The following FHL1 variants were observed in gnomAD, a reference collection of about 807,000 sequenced individuals.
FHL1 encodes the protein four and a half LIM domains protein 1.
In FHL1, 1 loss-of-function variant was observed where a neutral mutation model predicts 20.3. The observed-to-expected ratio is 0.05, with a 90% CI of 0.02 to 0.23. The LOEUF is 0.23. FHL1 is among the 10% of genes least tolerant of loss of function. FHL1 has a pLI of 1.00. For missense variants in FHL1, 177 were observed against 234.0 expected, an observed-to-expected ratio of 0.76 and a Z score of 1.59; for synonymous variants, 82 against 88.9, an observed-to-expected ratio of 0.92 and a Z score of 0.44.
rs751404007 is a variant in FHL1 at position 136,207,440 on chromosome X, G to A, written c.379+250G>A. On this transcript the variant is annotated intron_variant, in intron 3 of 5. Transcript: ENST00000370683. ...CAGAATGAAGTGAACAGTATGTAGC[G>A]CTTTCTCATTTGGGCGTAGTAAGTG... is the stretch of plus-strand genomic sequence containing the variant. 24 of 433,564 alleles carry A rather than the reference G, an allele frequency of 5.5e-5. No homozygotes were observed. The Admixed American group carries it at 7.4e-4, about 13-fold the overall frequency. 35.7% of individuals were successfully genotyped at this position (433,564 alleles called of 1,213,427 possible). A position where few individuals can be genotyped will look rare whatever the true frequency, so the allele number is the denominator to read the frequency against.
At chrX:136,193,093 A>AG, upstream of FHL1, among the ~76,000 whole-genome samples, 1 of 111,010 alleles carries the variant, frequency 9.0e-6, no homozygotes, top group Middle Eastern at 4.6e-3. Flanking sequence ...AAAAAAAAAA[A>AG]AAAACAACTG....
intron 2 of FHL1, among the ~76,000 whole-genome samples, chrX:136,189,472 A>T (rs2073384231): frequency 9.0e-6 from 1 of 111,675 alleles, no homozygotes. Context: ...CTGAGCCCTT[A>T]TCTCTTTTCC....
At chrX:136,193,767 G>A (rs750036146), upstream of FHL1, among the ~76,000 whole-genome samples, 2 of 110,138 alleles carry the variant, frequency 1.8e-5, no homozygotes, top group South Asian at 8.0e-4. Context: ...GTGGACAATT[G>A]CATTACCCTG....
chrX:136,159,984 A>G (rs922741866), intron 1 of FHL1, among the ~76,000 whole-genome samples: 3 of 112,691 alleles, frequency 2.7e-5, no homozygotes, highest in African/African-American at 9.7e-5. Context: ...GCATAGGCCC[A>G]ATGCCAGAAC....
Position 136,149,709 on chromosome X carries a change from C to T in FHL1, c.-101+2081C>T, listed in dbSNP as rs1314218957. Among the ~76,000 whole-genome samples, 5 of 111,261 alleles carry T rather than the reference C, an allele frequency of 4.5e-5. No individual in the cohort carries two copies. In the South Asian group the frequency reaches 1.1e-3, roughly 25 times the overall value. ...GTGTAAGATTTAAATTGATAAAATT[C>T]CTCCTGTATAATACCAGTGCATTGG... On this transcript the variant is annotated intron_variant, in intron 1 of 7. Transcript: ENST00000394155.
At chrX:136,161,646 G>A (rs995773644) in intron 1 of FHL1, among the ~76,000 whole-genome samples, 5 of 112,141 alleles carry the variant, frequency 4.5e-5, no homozygotes, top group African/African-American at 1.3e-4. Context: ...ATTGATGGGA[G>A]CAGAGCTGCC....
At chrX:136,160,590 C>G (rs1274396574) in intron 1 of FHL1, among the ~76,000 whole-genome samples, 1 of 111,446 alleles carries the variant, frequency 9.0e-6, no homozygotes, top group African/African-American at 3.3e-5. Context: ...CCACACCCAT[C>G]TAATGTTTTA....
intron 1 of FHL1, among the ~76,000 whole-genome samples, chrX:136,153,193 C>T (rs1239549970): frequency 9.3e-6 from 1 of 107,714 alleles, no homozygotes; most frequent in Non-Finnish European, 1.9e-5. Context: ...TAAGTTTTAA[C>T]GTGTTTTGTT....
At chrX:136,173,274 T>C (rs1340442817) in intron 2 of FHL1, among the ~76,000 whole-genome samples, 1 of 112,666 alleles carries the variant, frequency 8.9e-6, no homozygotes, top group Non-Finnish European at 1.9e-5. Context: ...GTAGGAGATA[T>C]TTGTATCACT....
At chrX:136,150,014 T>A (rs753148114) in intron 1 of FHL1, among the ~76,000 whole-genome samples, 67 of 111,953 alleles carry the variant, frequency 6.0e-4, no homozygotes, top group Non-Finnish European at 1.0e-3. Flanking sequence ...AAAAATCTTT[T>A]ACAGAGAGAA....
chrX:136,207,396 C>A (rs1034992412), intron 3 of FHL1: 1 of 443,257 alleles, frequency 2.3e-6, no homozygotes, highest in Admixed American at 4.1e-5. Flanking sequence ...AGAACACTGG[C>A]GAGAACAGCC....
Position 136,210,487 on chromosome X carries a change from C to T in FHL1, c.*462C>T, listed in dbSNP as rs1456299562. The T allele has an allele frequency of 5.1e-6, 2 of 392,028 alleles. No individual in the cohort carries two copies. The highest frequency in any genetic ancestry group is 9.6e-6 in the Non-Finnish European group (2 of 208,614). The allele number at this position is 392,028 out of a possible 1,213,427, so 32.3% of individuals were successfully genotyped here. A position where few individuals can be genotyped will look rare whatever the true frequency, so the allele number is the denominator to read the frequency against. On this transcript the variant is annotated 3_prime_UTR_variant, in exon 6 of 6. Transcript: ENST00000370683. ...CCTCTTCTGTGAGCAGGAAAAGAAC[C>T]CTACTGACATGCATGGTTTAACTTC...
At chrX:136,170,116 A>G (rs1042095824) in intron 2 of FHL1, 1 of 271,563 alleles carries the variant, frequency 3.7e-6, no homozygotes, top group Non-Finnish European at 6.9e-6. Context: ...GACTCAACCA[A>G]TGTCACTGCT....
chrX:136,158,599 A>T (rs6633809), intron 1 of FHL1, among the ~76,000 whole-genome samples: 2 of 110,925 alleles, frequency 1.8e-5, no homozygotes, highest in Non-Finnish European at 3.8e-5. Flanking sequence ...ACTAATTCCA[A>T]TGTGTCAGAT....
rs1603271580 is a variant in FHL1 at position 136,207,839 on chromosome X, T to TTCA, written c.428_430dup (p.Phe143_Thr144insIle). 1 of 1,212,123 alleles carries TTCA rather than the reference T, an allele frequency of 8.2e-7. No individual in the cohort carries two copies. Among genetic ancestry groups the TTCA allele is most frequent in the Non-Finnish European group, 1.1e-6 (1 of 895,566 alleles). On this transcript the variant is annotated inframe_insertion, in exon 4 of 6. Coordinates refer to ENST00000370683, the MANE Select transcript of FHL1 (RefSeq NM_001159699.2). ...GGGGACCGTCTGGCACAAAGACTGC[T>TTCA]TCACCTGTAGTAACTGCAAGCAAGT...
At chrX:136,159,207 A>G (rs1001867038) in intron 1 of FHL1, among the ~76,000 whole-genome samples, 3 of 110,858 alleles carry the variant, frequency 2.7e-5, no homozygotes, top group African/African-American at 9.8e-5. Flanking sequence ...AAATACAAAG[A>G]CTAGATCAGG....
At chrX:136,208,372 GC>G in intron 4 of FHL1, 82 bp from the exon 5 acceptor site, 1 of 1,022,442 alleles carries the variant, frequency 9.8e-7, no homozygotes, top group Admixed American at 2.2e-5. Flanking sequence ...ATACCAAAGC[GC>G]CCAGCACAGT....
upstream of FHL1, among the ~76,000 whole-genome samples, chrX:136,165,373 G>T (rs1412639616): frequency 8.9e-6 from 1 of 111,923 alleles, no homozygotes; most frequent in Non-Finnish European, 1.9e-5. Flanking sequence ...ATTTATCATT[G>T]CCTTTTATGG....
intron 1 of FHL1, chrX:136,148,252 C>A (rs1603237600): frequency 1.1e-5 from 1 of 87,917 alleles, no homozygotes; most frequent in East Asian, 3.8e-4. Context: ...GGGGTGGCGA[C>A]GAGGAGTAGA....
Sources: gnomAD v4.1 joint callset for allele counts (sites outside exome capture counted in the v4.1 genomes callset) on GRCh38, gnomAD v4.1.1 for gene constraint, MANE v1.5 for transcripts, NCBI Gene and HGNC (gene_info 2026-07-23, HGNC 2026-07-21) for gene names.